EPB41L4A: variants seen among roughly 807,000 people sequenced by gnomAD.
EPB41L4A encodes the protein erythrocyte membrane protein band 4.1 like 4A.
EPB41L4A carries 100 observed loss-of-function variants against 108.6 expected under a neutral mutation model. That is an observed-to-expected ratio of 0.92 (90% CI 0.78 to 1.09). The LOEUF is 1.09. EPB41L4A is among the 50% of genes least tolerant of loss of function. EPB41L4A has a pLI of 0.00. For synonymous variants in EPB41L4A, 319 were observed against 289.0 expected, an observed-to-expected ratio of 1.10 and a Z score of -1.05; for missense variants, 1,030 against 842.7, an observed-to-expected ratio of 1.22 and a Z score of -2.75.
At chr5:112,271,290 C>G (rs895434241) in intron 4 of EPB41L4A, among the ~76,000 whole-genome samples, 1 of 152,220 alleles carries the variant, frequency 6.6e-6, no homozygotes, top group African/African-American at 2.4e-5. Flanking sequence ...GGGCTCCAAG[C>G]TGGTCTTTTC....
chr5:112,220,671 A>G (rs1315736311), intron 12 of EPB41L4A, among the ~76,000 whole-genome samples: 1 of 152,126 alleles, frequency 6.6e-6, no homozygotes. Context: ...CCCAAACTAT[A>G]ACACCTTGGC....
chr5:112,310,783 T>C (rs1338097594), intron 1 of EPB41L4A, among the ~76,000 whole-genome samples: 1 of 152,088 alleles, frequency 6.6e-6, no homozygotes, highest in Non-Finnish European at 1.5e-5. Flanking sequence ...AATCCCCCTA[T>C]TTGAGTCTTG....
intron 1 of EPB41L4A, among the ~76,000 whole-genome samples, chr5:112,348,492 A>T (rs576650553): frequency 2.0e-5 from 3 of 152,302 alleles, no homozygotes; most frequent in Admixed American, 6.5e-5. Context: ...GTAATTCTGA[A>T]TGTTTCTAGT....
chr5:112,288,709 G>A (rs550111630), intron 2 of EPB41L4A, among the ~76,000 whole-genome samples: 2 of 152,250 alleles, frequency 1.3e-5, no homozygotes, highest in East Asian at 1.9e-4. Flanking sequence ...TGTTTGGGGC[G>A]GGTAGGCAGG....
intron 22 of EPB41L4A, among the ~76,000 whole-genome samples, chr5:112,165,480 C>A (rs1580350343): frequency 2.6e-5 from 4 of 152,186 alleles, no homozygotes; most frequent in Admixed American, 2.6e-4. Context: ...AATTTATAAT[C>A]CCCTGATTAT....
chr5:112,190,943 A>G (rs980298947), intron 17 of EPB41L4A, among the ~76,000 whole-genome samples: 2 of 152,164 alleles, frequency 1.3e-5, no homozygotes, highest in Non-Finnish European at 2.9e-5. Context: ...TGAGAATAAT[A>G]TGATATAAAA....
At chr5:112,337,751 T>TA (rs964610585) in intron 1 of EPB41L4A, among the ~76,000 whole-genome samples, 15 of 152,018 alleles carry the variant, frequency 9.9e-5, no homozygotes, top group Non-Finnish European at 1.6e-4. Flanking sequence ...ACCCATATTG[T>TA]AAAAAAAGTA....
chr5:112,350,134 T>A (rs1198113345), intron 1 of EPB41L4A, among the ~76,000 whole-genome samples: 3 of 65,304 alleles, frequency 4.6e-5, no homozygotes, highest in Admixed American at 1.8e-4. Flanking sequence ...AGGGACTCAA[T>A]CTTTATATAT....
intron 1 of EPB41L4A, among the ~76,000 whole-genome samples, chr5:112,327,632 T>C (rs983253551): frequency 6.6e-6 from 1 of 152,032 alleles, no homozygotes; most frequent in Non-Finnish European, 1.5e-5. Flanking sequence ...GGGAAGATAA[T>C]TTGAAAGCCC....
At chr5:112,291,410 C>T (rs771282961) in intron 2 of EPB41L4A, among the ~76,000 whole-genome samples, 1 of 152,186 alleles carries the variant, frequency 6.6e-6, no homozygotes, top group Non-Finnish European at 1.5e-5. Context: ...TTCTAACCAC[C>T]TGTGGTGTTT....
intron 1 of EPB41L4A, among the ~76,000 whole-genome samples, chr5:112,384,576 G>A (rs1760378737): frequency 1.3e-5 from 2 of 152,002 alleles, no homozygotes; most frequent in Non-Finnish European, 2.9e-5. Flanking sequence ...CATGGAAACA[G>A]ATGGGAGCAG....
intron 1 of EPB41L4A, among the ~76,000 whole-genome samples, chr5:112,315,939 T>C (rs1048418128): frequency 6.6e-6 from 1 of 152,202 alleles, no homozygotes; most frequent in Non-Finnish European, 1.5e-5. Context: ...TAATTTACTT[T>C]TAAAATGAGA....
At chr5:112,406,286 T>A (rs776983002) in intron 1 of EPB41L4A, among the ~76,000 whole-genome samples, 3 of 152,200 alleles carry the variant, frequency 2.0e-5, no homozygotes, top group African/African-American at 4.8e-5. Context: ...CTTCTCTGCA[T>A]CCTTCTTCAG....
chr5:112,278,731 T>C (rs557791960), intron 3 of EPB41L4A, among the ~76,000 whole-genome samples: 1 of 152,022 alleles, frequency 6.6e-6, no homozygotes, highest in African/African-American at 2.4e-5. Flanking sequence ...AATATCAACT[T>C]TTCCTATAAA....
intron 1 of EPB41L4A, among the ~76,000 whole-genome samples, chr5:112,369,285 T>C (rs1324632422): frequency 6.6e-6 from 1 of 152,212 alleles, no homozygotes; most frequent in East Asian, 1.9e-4. Context: ...CAATTTCTTA[T>C]TATCTCTTGT....
intron 1 of EPB41L4A, among the ~76,000 whole-genome samples, chr5:112,317,988 T>G (rs1051696442): frequency 6.6e-6 from 1 of 152,172 alleles, no homozygotes; most frequent in Admixed American, 6.5e-5. Flanking sequence ...AACAAAGGAA[T>G]GTCCTTGATG....
chr5:112,279,916 C>T (rs1176217236), intron 3 of EPB41L4A, among the ~76,000 whole-genome samples: 2 of 152,114 alleles, frequency 1.3e-5, no homozygotes, highest in African/African-American at 2.4e-5. Context: ...AAAGCTTGGA[C>T]ATTATGACCC....
At chr5:112,171,260 C>G (rs1760565547) in intron 18 of EPB41L4A, among the ~76,000 whole-genome samples, 1 of 152,180 alleles carries the variant, frequency 6.6e-6, no homozygotes, top group African/African-American at 2.4e-5. Flanking sequence ...GGGTCATATG[C>G]CTCCCCATCC....
At chr5:112,403,341 A>C (rs1761896239) in intron 1 of EPB41L4A, among the ~76,000 whole-genome samples, 1 of 151,714 alleles carries the variant, frequency 6.6e-6, no homozygotes, top group African/African-American at 2.4e-5. Flanking sequence ...CCTCAGCAAA[A>C]AAAAAAAAAA....
Sources: gnomAD v4.1 joint callset for allele counts (sites outside exome capture counted in the v4.1 genomes callset) on GRCh38, gnomAD v4.1.1 for gene constraint, MANE v1.5 for transcripts, NCBI Gene and HGNC (gene_info 2026-07-23, HGNC 2026-07-21) for gene names.